The following PDLIM7 variants were observed in gnomAD, a reference collection of about 807,000 sequenced individuals.
PDLIM7 encodes the protein PDZ and LIM domain protein 7.
PDLIM7 carries 37 observed loss-of-function variants against 53.9 expected under a neutral mutation model. That is an observed-to-expected ratio of 0.69 (90% CI 0.53 to 0.90). PDLIM7 has a LOEUF of 0.90. PDLIM7 is among the 40% of genes least tolerant of loss of function. PDLIM7 has a pLI of 0.00. For missense variants in PDLIM7, 617 were observed against 638.5 expected (o/e 0.97, Z 0.36); for synonymous variants, 300 against 261.3 (o/e 1.15, Z -1.43).
Position 177,483,565 on chromosome 5 carries a change from G to T in PDLIM7, c.*79C>A. 2.7e-6 allele frequency: 3 copies of T among 1,104,516 alleles called. No individual in the cohort carries two copies. The highest frequency in any genetic ancestry group is 4.0e-6 in the Non-Finnish European group (3 of 750,574). The allele number at this position is 1,104,516 out of a possible 1,614,324, so 68.4% of individuals were successfully genotyped here. A position where few individuals can be genotyped will look rare whatever the true frequency, so the allele number is the denominator to read the frequency against. Reference sequence around the variant, plus strand: ...GCCAGGGTTAAGGCAACCATTGCCAGCCCTACCCAGAAATGCAGGGCCACG... The same window carrying T: ...GCCAGGGTTAAGGCAACCATTGCCATCCCTACCCAGAAATGCAGGGCCACG... On this transcript the variant is annotated 3_prime_UTR_variant, in exon 13 of 13. Coordinates refer to ENST00000355841, the MANE Select transcript of PDLIM7 (RefSeq NM_005451.5).
intron 5 of PDLIM7, 49 bp from the exon 6 acceptor site, chr5:177,491,195 G>T (rs1000377681): frequency 1.9e-6 from 3 of 1,556,478 alleles, no homozygotes; most frequent in East Asian, 2.3e-5. Context: ...TGGGCGGTGG[G>T]GGCAGCCCCT....
At chr5:177,487,996 G>T in intron 10 of PDLIM7, 72 bp downstream of exon 10, 3 of 1,466,656 alleles carry the variant, frequency 2.0e-6, no homozygotes, top group Non-Finnish European at 1.8e-6. Flanking sequence ...GACCTGGACT[G>T]TGGGTTTCCC....
In PDLIM7 at chr5:177,483,593, T is replaced by C. The variant is rs773880766; in HGVS notation, c.*51A>G. On this transcript the variant is annotated 3_prime_UTR_variant, in exon 13 of 13. Coordinates refer to ENST00000355841, the MANE Select transcript of PDLIM7 (RefSeq NM_005451.5). ...CTACCCAGAAATGCAGGGCCACGAC[T>C]CCAGGCCCCTCAGGCTAGGGGCCAC... is the stretch of plus-strand genomic sequence containing the variant. 13 of 1,369,486 alleles carry C rather than the reference T, an allele frequency of 9.5e-6. No homozygotes were observed. In the Admixed American group the frequency reaches 2.0e-4, roughly 21 times the overall value. The allele number at this position is 1,369,486 out of a possible 1,614,324, so 84.8% of individuals were successfully genotyped here. A position where few individuals can be genotyped will look rare whatever the true frequency, so the allele number is the denominator to read the frequency against.
At chr5:177,486,694 A>G (rs550935951) in intron 10 of PDLIM7, among the ~76,000 whole-genome samples, 2 of 152,194 alleles carry the variant, frequency 1.3e-5, no homozygotes, top group East Asian at 1.9e-4. Flanking sequence ...GCTGGAGTGC[A>G]GTGGCGCGAT....
intron 9 of PDLIM7, 127 bp from the exon 10 acceptor site, chr5:177,488,375 A>G: frequency 1.4e-6 from 1 of 727,502 alleles, no homozygotes; most frequent in Non-Finnish European, 2.2e-6. Context: ...CATTTTCCAC[A>G]TAGGATAGAA....
rs1561707692 is a variant in PDLIM7 at position 177,496,482 on chromosome 5, G to T, written c.31C>A (p.Pro11Thr). 6.2e-7 allele frequency: 1 copy of T among 1,603,312 alleles called. No homozygotes were observed. The highest frequency in any genetic ancestry group is 8.5e-7 in the Non-Finnish European group (1 of 1,174,700). Residue 11 changes from proline (P) to threonine (T), a missense_variant, in exon 2 of 13, where the codon CCA (proline) becomes ACA (threonine). Physicochemically the swap from Pro to Thr is conservative, Grantham distance 38 (BLOSUM62 -1). Transcript: ENST00000355841. ...TGCAGCCGGAAGCCCCAAGGTGCTG[G>T]CCCCTCCAGCACTACTTTGAAGGAA... MDSFKVVLEG[P>T]APWGFRLQGG...
rs373481118 is a variant in PDLIM7, at chr5:177,484,207, G to A, written c.1051-17C>T. 4 of 1,611,756 alleles carry A rather than the reference G, an allele frequency of 2.5e-6. No individual in the cohort carries two copies. The highest frequency in any genetic ancestry group is 3.4e-6 in the Non-Finnish European group (4 of 1,179,812). Reference sequence around the variant, plus strand: ...CATGATCTCCTGGAAGGAGGTCCCAGTCACTCGGCAGGCTCAGGCCCCTCC... The same window carrying A: ...CATGATCTCCTGGAAGGAGGTCCCAATCACTCGGCAGGCTCAGGCCCCTCC... On this transcript the variant is annotated splice_polypyrimidine_tract_variant and intron_variant, in intron 10 of 12. Transcript: ENST00000355841.
chr5:177,490,006 C>A lies in PDLIM7; in HGVS notation c.573-174G>T, dbSNP rs997042988. The A allele has an allele frequency of 2.6e-6, 4 of 1,534,710 alleles. No individual in the cohort carries two copies. The African/African-American group carries it at 5.5e-5, about 21-fold the overall frequency. On this transcript the variant is annotated intron_variant, in intron 7 of 12. Coordinates refer to ENST00000355841, the MANE Select transcript of PDLIM7 (RefSeq NM_005451.5). ...GAAGGGCAGCTTCTCCTAGCAATGT[C>A]CAGTTAGCTGGTGTGCGGTCTCTAG...
intron 2 of PDLIM7, 69 bp downstream of exon 2, chr5:177,496,348 C>G: frequency 8.4e-7 from 1 of 1,191,854 alleles, no homozygotes; most frequent in Non-Finnish European, 1.2e-6. Context: ...AGGACTCCCC[C>G]CATCACCCTC....
chr5:177,493,347 C>T (rs1292162149), intron 2 of PDLIM7, among the ~76,000 whole-genome samples: 1 of 152,262 alleles, frequency 6.6e-6, no homozygotes. Context: ...AAGCCCTCGA[C>T]TGCCAATTTC....
chr5:177,483,765 G>A, intron 12 of PDLIM7, 35 bp from the exon 13 acceptor site: 1 of 1,590,816 alleles, frequency 6.3e-7, no homozygotes, highest in Non-Finnish European at 8.6e-7. Context: ...CATGGGGTTG[G>A]GGGCAGCAGG....
intron 5 of PDLIM7, 132 bp downstream of exon 5, chr5:177,491,675 C>T (rs894223435): frequency 1.3e-5 from 8 of 633,500 alleles, no homozygotes; most frequent in Non-Finnish European, 2.1e-5. Context: ...AGCCCCACCC[C>T]GGCCGCCAGG....
At position 177,489,508 on chromosome 5, in the gene PDLIM7, G is replaced by C; in HGVS notation, c.754C>G (p.Pro252Ala). 6.2e-7 allele frequency: 1 copy of C among 1,609,098 alleles called. No homozygotes were observed. Among genetic ancestry groups the C allele is most frequent in the Non-Finnish European group, 8.5e-7 (1 of 1,178,518 alleles). Reference sequence around the variant, plus strand: ...GAGGTGCGGCTCTGCAGCGGCGTGGGCGTGGCCGGCTGGCTGTGCCGGGTC... The same window carrying C: ...GAGGTGCGGCTCTGCAGCGGCGTGGCCGTGGCCGGCTGGCTGTGCCGGGTC... Reference protein sequence around the residue: ...VLTRHSQPATPTPLQSRTSIV... With the variant: ...VLTRHSQPATATPLQSRTSIV... The change falls in exon 9 of 13, where the codon CCC becomes GCC. Residue 252 changes from proline (P) to alanine (A), a missense_variant. Transcript: ENST00000355841.
chr5:177,488,707 A>G (rs1270979047), intron 9 of PDLIM7, among the ~76,000 whole-genome samples: 1 of 152,170 alleles, frequency 6.6e-6, no homozygotes, highest in African/African-American at 2.4e-5. Context: ...CCTGGCCAAC[A>G]TGGTAAAACC....
In PDLIM7 at chr5:177,484,072, C is replaced by G. The variant is rs535394998; in HGVS notation, c.1169G>C (p.Arg390Pro). The G allele has an allele frequency of 6.2e-7, 1 of 1,613,954 alleles. No individual in the cohort carries two copies. Among genetic ancestry groups the G allele is most frequent in the Non-Finnish European group, 8.5e-7 (1 of 1,179,952 alleles). The part of the protein sequence containing the change: ...YMEEGVPYCE[R>P]DYEKMFGTKC... ...CACCCTCACTGGCCAGTGGGTACCT[C>G]GCTCGCAATAGGGCACGCCCTCCTC... The change falls in exon 11 of 13, where the codon CGA becomes CCA. Residue 390 changes from arginine (R) to proline (P), a missense_variant and splice_region_variant. By Grantham distance (103) the Arg-to-Pro change is moderately radical (BLOSUM62 -2). Transcript: ENST00000355841.
chr5:177,488,093 G>A lies in PDLIM7; in HGVS notation c.1025C>T (p.Ala342Val). ...CYDVRYAPSC[A>V]KCKKKITGEI... ...GCCTGTAATCTTCTTCTTGCACTTG[G>A]CACAGCTGGGTGCATAGCGCACGTC... The change falls in exon 10 of 13, where the codon GCC (alanine) becomes GTC (valine). Residue 342 changes from alanine (A) to valine (V), a missense_variant. By Grantham distance (64) the Ala-to-Val change is moderately conservative (BLOSUM62 0). Coordinates refer to ENST00000355841, the MANE Select transcript of PDLIM7 (RefSeq NM_005451.5). The A allele has an allele frequency of 6.2e-7, 1 of 1,606,212 alleles. No individual in the cohort carries two copies. Among genetic ancestry groups the A allele is most frequent in the Non-Finnish European group, 8.5e-7 (1 of 1,176,184 alleles).
chr5:177,490,175 C>T, intron 7 of PDLIM7: 2 of 1,448,690 alleles, frequency 1.4e-6, no homozygotes, highest in South Asian at 2.7e-5. Flanking sequence ...CCCAAACAGT[C>T]CGAACCACGA....
intron 5 of PDLIM7, chr5:177,491,436 G>T: frequency 1.3e-6 from 2 of 1,541,810 alleles, no homozygotes; most frequent in Non-Finnish European, 1.8e-6. Flanking sequence ...AAGGAAATAA[G>T]ACAGACAGAC....
chr5:177,495,828 C>T (rs542958396), intron 2 of PDLIM7, among the ~76,000 whole-genome samples: 24 of 152,142 alleles, frequency 1.6e-4, no homozygotes, highest in African/African-American at 5.8e-4. Context: ...CAAAGGCCAC[C>T]ACATCCTGAA....
Sources: gnomAD v4.1 joint callset for allele counts (sites outside exome capture counted in the v4.1 genomes callset) on GRCh38, gnomAD v4.1.1 for gene constraint, MANE v1.5 for transcripts, NCBI Gene and HGNC (gene_info 2026-07-23, HGNC 2026-07-21) for gene names.